PFDN4: variants seen among roughly 807,000 people sequenced by gnomAD.
The protein encoded by PFDN4 is prefoldin 4.
In PFDN4, 6 loss-of-function variants were observed where a neutral mutation model predicts 17.6. The ratio of observed to expected loss-of-function variants is 0.34; its 90% CI spans 0.19 to 0.67. The LOEUF (loss-of-function observed/expected upper bound fraction) is 0.67. Ranked by LOEUF, PFDN4 falls within the 30% of genes least tolerant of loss-of-function variation. PFDN4 has a pLI of 0.68. For synonymous variants in PFDN4, 48 were observed against 51.1 expected, an observed-to-expected ratio of 0.94 and a Z score of 0.26; for missense variants, 119 against 158.4, an observed-to-expected ratio of 0.75 and a Z score of 1.33.
At chr20:54,218,975 A>C (rs2092766222) in intron 3 of PFDN4, 44 bp from the exon 4 acceptor site, 1 of 1,242,416 alleles carries the variant, frequency 8.0e-7, no homozygotes, top group South Asian at 1.5e-5. Context: ...ATGCTCAGAA[A>C]TCATCCTATT....
chr20:54,211,138 A>G (rs1306607152), intron 1 of PFDN4, among the ~76,000 whole-genome samples: 2 of 152,218 alleles, frequency 1.3e-5, no homozygotes, highest in Non-Finnish European at 2.9e-5. Flanking sequence ...AAAAGTTTAC[A>G]TCATACAGAC....
At chr20:54,211,000 G>A (rs544868030) in intron 1 of PFDN4, among the ~76,000 whole-genome samples, 1 of 152,246 alleles carries the variant, frequency 6.6e-6, no homozygotes, top group South Asian at 2.1e-4. Context: ...CACGAGAATC[G>A]CTTGAACCTG....
chr20:54,217,575 G>T (rs1308138525), intron 3 of PFDN4, among the ~76,000 whole-genome samples: 2 of 152,166 alleles, frequency 1.3e-5, no homozygotes, highest in African/African-American at 2.4e-5. Context: ...AATCTGCGTG[G>T]CTGTCTTCCA....
rs936516543 is a variant in PFDN4 at position 54,219,821 on chromosome 20, C to T, written c.*671C>T. On this transcript the variant is annotated 3_prime_UTR_variant, in exon 4 of 4. Coordinates refer to ENST00000371419, the MANE Select transcript of PFDN4 (RefSeq NM_002623.4). ...CAGAAAGAAATGTTTAGTGTTTTTT[C>T]GTTTTAAATTTTAGATTTTATTTTA... is the stretch of plus-strand genomic sequence containing the variant. 2.0e-5 allele frequency: 8 copies of T among 397,408 alleles called. No homozygotes were observed. The highest frequency in any genetic ancestry group is 1.3e-4 in the South Asian group (1 of 7,814). The allele number at this position is 397,408 out of a possible 1,614,324, so 24.6% of individuals were successfully genotyped here.
intron 1 of PFDN4, among the ~76,000 whole-genome samples, chr20:54,210,430 A>C (rs1273807986): frequency 6.6e-6 from 1 of 152,182 alleles, no homozygotes; most frequent in African/African-American, 2.4e-5. Flanking sequence ...ACAGAGAGAG[A>C]TAGCCCTTTG....
At chr20:54,210,285 A>T (rs1437235936) in intron 1 of PFDN4, among the ~76,000 whole-genome samples, 2 of 152,234 alleles carry the variant, frequency 1.3e-5, no homozygotes, top group Non-Finnish European at 2.9e-5. Flanking sequence ...TAAGAGTCAC[A>T]TGATAGATGC....
At position 54,219,263 on chromosome 20, in the gene PFDN4, A is replaced by G; in HGVS notation, c.*113A>G. ...AAAACTTTCTTTTTTAAAAATTTTC[A>G]TTTATTTAATGGAAACTTGCCCATT... On this transcript the variant is annotated 3_prime_UTR_variant, in exon 4 of 4. Coordinates refer to ENST00000371419, the MANE Select transcript of PFDN4 (RefSeq NM_002623.4). 1.6e-6 allele frequency: 1 copy of G among 645,144 alleles called. No individual in the cohort carries two copies. The highest frequency in any genetic ancestry group is 2.5e-6 in the Non-Finnish European group (1 of 402,674). The allele number at this position is 645,144 out of a possible 1,614,324, so 40.0% of individuals were successfully genotyped here.
Position 54,219,657 on chromosome 20 carries a change from A to G in PFDN4, c.*507A>G. 1 of 397,564 alleles carries G rather than the reference A, an allele frequency of 2.5e-6. No individual in the cohort carries two copies. The allele number at this position is 397,564 out of a possible 1,614,324, so 24.6% of individuals were successfully genotyped here. On this transcript the variant is annotated 3_prime_UTR_variant, in exon 4 of 4. Transcript: ENST00000371419. The stretch of plus-strand genomic sequence containing the variant: ...TTACATATTATATTTAAACATACAT[A>G]TTTAACATTTTTTACATATCTATCA...
Position 54,219,636 on chromosome 20 carries a change from ATAT to A in PFDN4, c.*490_*492del. ...TATATTTTATTTAAATATATGTTAC[ATAT>A]TATATTTAAACATACATATTTAACA... On this transcript the variant is annotated 3_prime_UTR_variant, in exon 4 of 4. Coordinates refer to ENST00000371419, the MANE Select transcript of PFDN4 (RefSeq NM_002623.4). 1 of 396,400 alleles carries A rather than the reference ATAT, an allele frequency of 2.5e-6. No homozygotes were observed. The highest frequency in any genetic ancestry group is 4.4e-6 in the Non-Finnish European group (1 of 225,090). 24.6% of individuals were successfully genotyped at this position (396,400 alleles called of 1,614,324 possible). A position where few individuals can be genotyped will look rare whatever the true frequency, so the allele number is the denominator to read the frequency against.
intron 1 of PFDN4, among the ~76,000 whole-genome samples, chr20:54,209,260 G>A (rs1017094105): frequency 2.0e-5 from 3 of 152,114 alleles, no homozygotes; most frequent in Non-Finnish European, 4.4e-5. Context: ...ACTGCTATAG[G>A]GGGTCTTTGA....
At position 54,214,423 on chromosome 20, in the gene PFDN4, A is replaced by T. The variant is rs2092759920; in HGVS notation, c.97A>T (p.Ile33Phe). 1 of 1,579,162 alleles carries T rather than the reference A, an allele frequency of 6.3e-7. No individual in the cohort carries two copies. The highest frequency in any genetic ancestry group is 8.7e-7 in the Non-Finnish European group (1 of 1,153,730). ...CAAATTTGCACGGAATACAAGTAGA[A>T]TCACAGAGCTGAAGGAAGAAATAGA... is the stretch of plus-strand genomic sequence containing the variant. ...INKFARNTSR[I>F]TELKEEIEVK... Residue 33 changes from isoleucine to phenylalanine, a missense_variant, in exon 2 of 4, where the codon ATC becomes TTC. Physicochemically the swap from Ile to Phe is conservative, Grantham distance 21. Transcript: ENST00000371419.
At chr20:54,214,505 C>T (rs748046753) in intron 2 of PFDN4, 47 bp downstream of exon 2, 3 of 803,728 alleles carry the variant, frequency 3.7e-6, no homozygotes, top group Admixed American at 2.6e-5. Context: ...TATACTATAG[C>T]TACTAAAACT....
intron 1 of PFDN4, among the ~76,000 whole-genome samples, chr20:54,213,521 C>T (rs1048144315): frequency 6.6e-6 from 1 of 152,106 alleles, no homozygotes; most frequent in Admixed American, 6.5e-5. Context: ...TCAAGTTCCA[C>T]CACCTACTGG....
chr20:54,212,375 A>G lies in PFDN4; in HGVS notation c.25-1976A>G, dbSNP rs1438876011. ...ATGCAGTATATTTGACTCACACATC[A>G]ACTTTAGCCCTTAACCCCAGTGGGA... On this transcript the variant is annotated intron_variant, in intron 1 of 3. Transcript: ENST00000371419. Among the ~76,000 whole-genome samples, 7 of 152,238 alleles carry G rather than the reference A, an allele frequency of 4.6e-5. No homozygotes were observed. The East Asian group carries it at 7.7e-4, about 17-fold the overall frequency.
At chr20:54,208,834 G>C (rs2092751957) in intron 1 of PFDN4, 1 of 152,248 alleles carries the variant, frequency 6.6e-6, no homozygotes, top group African/African-American at 2.4e-5. Flanking sequence ...CCACTTTGCA[G>C]GTAGAGAAAC....
At chr20:54,209,366 A>G (rs2092752714) in intron 1 of PFDN4, among the ~76,000 whole-genome samples, 1 of 152,178 alleles carries the variant, frequency 6.6e-6, no homozygotes, top group African/African-American at 2.4e-5. Context: ...CACATAGTCT[A>G]TGCCATCTGT....
intron 1 of PFDN4, among the ~76,000 whole-genome samples, chr20:54,213,037 C>T (rs1289409040): frequency 6.6e-6 from 1 of 152,220 alleles, no homozygotes; most frequent in East Asian, 1.9e-4. Flanking sequence ...ATTCCGACCA[C>T]TGAGCTCTGT....
chr20:54,208,228 T>G, intron 1 of PFDN4, 104 bp downstream of exon 1: 1 of 1,112,808 alleles, frequency 9.0e-7, no homozygotes, highest in Non-Finnish European at 1.2e-6. Context: ...AAGCCCGGCG[T>G]GGGACCCGAG....
At chr20:54,212,357 A>G (rs1180242234) in intron 1 of PFDN4, among the ~76,000 whole-genome samples, 2 of 152,184 alleles carry the variant, frequency 1.3e-5, no homozygotes, top group Non-Finnish European at 2.9e-5. Context: ...GGCATGCAGT[A>G]TATTTGACTC....
Sources: allele counts gnomAD v4.1 joint callset (sites outside exome capture counted in the v4.1 genomes callset), GRCh38; gene constraint gnomAD v4.1.1; transcripts MANE v1.5; gene names NCBI Gene and HGNC (gene_info 2026-07-23, HGNC 2026-07-21).